HNF4A: variants seen among roughly 807,000 people sequenced by gnomAD.
HNF4A encodes the protein hepatocyte nuclear factor 4-alpha.
Under a neutral mutation model 52.4 loss-of-function variants are expected in HNF4A, and 15 were observed. The ratio of observed to expected loss-of-function variants is 0.29; its 90% CI spans 0.19 to 0.44. The LOEUF is 0.44. Ranked by LOEUF, HNF4A falls within the 20% of genes least tolerant of loss-of-function variation. The probability of loss-of-function intolerance (pLI) is 1.00; values close to 1 mark genes in which losing one functional copy is unlikely to be tolerated. For synonymous variants in HNF4A, 280 were observed against 264.4 expected (o/e 1.06, Z -0.57); for missense variants, 479 against 647.2 (o/e 0.74, Z 2.82).
At position 44,419,891 on chromosome 20, in the gene HNF4A, T is replaced by TCCTAAGCCATC; in HGVS notation, c.892+19_892+29dup. The TCCTAAGCCATC allele has an allele frequency of 1.2e-6, 2 of 1,613,292 alleles. No homozygotes were observed. Among genetic ancestry groups the TCCTAAGCCATC allele is most frequent in the East Asian group, 4.5e-5 (2 of 44,866 alleles). On this transcript the variant is annotated intron_variant, in intron 7 of 9. Coordinates refer to ENST00000316099, the MANE Select transcript of HNF4A (RefSeq NM_000457.6). ...CTTTGACCCAGGTACAGTGCACACC[T>TCCTAAGCCATC]CCTAAGCCATCCCTGACTCTCTCTC...
At chr20:44,377,304 G>A (rs1012751935) in intron 1 of HNF4A, among the ~76,000 whole-genome samples, 4 of 152,114 alleles carry the variant, frequency 2.6e-5, no homozygotes, top group South Asian at 2.1e-4. Context: ...AGAGGGAGGG[G>A]GCAAATGTTG....
intron 1 of HNF4A, among the ~76,000 whole-genome samples, chr20:44,368,037 C>T (rs1331257166): frequency 1.4e-5 from 2 of 145,510 alleles, no homozygotes; most frequent in Non-Finnish European, 3.0e-5. Context: ...TCCTTCCTCC[C>T]TAGATGGAAG....
At chr20:44,403,860 C>T (rs2063445067) in intron 1 of HNF4A, among the ~76,000 whole-genome samples, 1 of 152,196 alleles carries the variant, frequency 6.6e-6, no homozygotes, top group Non-Finnish European at 1.5e-5. Flanking sequence ...AGCTGACAGC[C>T]CCCAGCCCAT....
At chr20:44,385,499 C>T (rs1229211628) in intron 1 of HNF4A, among the ~76,000 whole-genome samples, 2 of 152,162 alleles carry the variant, frequency 1.3e-5, no homozygotes, top group Non-Finnish European at 2.9e-5. Flanking sequence ...TATGGACTCT[C>T]ACTCTGTCGC....
In HNF4A at chr20:44,428,353, C is replaced by T. The variant is rs1316299551; in HGVS notation, c.1148C>T (p.Pro383Leu). The change falls in exon 9 of 10, where the codon CCC becomes CTC. Residue 383 changes from proline to leucine, a missense_variant. Physicochemically the swap from Pro to Leu is moderately conservative, Grantham distance 98. Transcript: ENST00000316099. ...CCTGCAGGGTCCCCCAGCGATGCAC[C>T]CCATGCCCACCACCCCCTGCACCCT... The T allele has an allele frequency of 1.2e-6, 2 of 1,613,960 alleles. No homozygotes were observed. Among genetic ancestry groups the T allele is most frequent in the Non-Finnish European group, 8.5e-7 (1 of 1,180,032 alleles).
Position 44,429,958 on chromosome 20 carries a change from G to T in HNF4A, c.*293G>T, listed in dbSNP as rs771184618. 3.7e-5 allele frequency: 16 copies of T among 433,432 alleles called. No homozygotes were observed. The highest frequency in any genetic ancestry group is 7.7e-5 in the Admixed American group (2 of 26,038). The allele number at this position is 433,432 out of a possible 1,614,324, so 26.8% of individuals were successfully genotyped here. A position where few individuals can be genotyped will look rare whatever the true frequency, so the allele number is the denominator to read the frequency against. On this transcript the variant is annotated 3_prime_UTR_variant, in exon 10 of 10. Transcript: ENST00000316099. ...TCACCTTCATCCATGTCCAACCCCC[G>T]ACTTCATCCCAAAGGACAGCCGCCT...
chr20:44,402,233 T>A (rs2146343943), intron 1 of HNF4A, among the ~76,000 whole-genome samples: 1 of 152,196 alleles, frequency 6.6e-6, no homozygotes, highest in East Asian at 1.9e-4. Flanking sequence ...ATCTTGCTTA[T>A]GTATGTAAGT....
Position 44,408,845 on chromosome 20 carries a change from C to T in HNF4A, c.385+1370C>T, listed in dbSNP as rs575893009. The stretch of plus-strand genomic sequence containing the variant: ...CTTCCCTTCTAGCCCACAGTTGTGC[C>T]GTACCAGCCAAACCTTGGTCTAGTC... On this transcript the variant is annotated intron_variant, in intron 3 of 9. Transcript: ENST00000316099. Among the ~76,000 whole-genome samples the T allele has an allele frequency of 3.9e-5, 6 of 152,264 alleles. No homozygotes were observed. In the South Asian group the frequency reaches 8.3e-4, roughly 21 times the overall value.
chr20:44,401,256 G>C lies in HNF4A; in HGVS notation c.-117G>C, dbSNP rs943316184. The stretch of plus-strand genomic sequence containing the variant: ...CTCCCAGCAGATCTTCCCAGAGGAC[G>C]GTTTGAAAGGAAGGCAGAGAGGGCA... On this transcript the variant is annotated 5_prime_UTR_variant, in exon 1 of 10. Coordinates refer to ENST00000316099, the MANE Select transcript of HNF4A (RefSeq NM_000457.6). 1.1e-5 allele frequency: 17 copies of C among 1,576,532 alleles called. No homozygotes were observed. The South Asian group carries it at 1.7e-4, about 16-fold the overall frequency.
At chr20:44,427,901 T>C (rs374157242) in intron 8 of HNF4A, among the ~76,000 whole-genome samples, 84 of 152,168 alleles carry the variant, frequency 5.5e-4, no homozygotes, top group African/African-American at 2.0e-3. Flanking sequence ...AGGGGACACA[T>C]AGATGCTATA....
At chr20:44,420,204 C>A (rs574010679) in intron 7 of HNF4A, among the ~76,000 whole-genome samples, 2 of 152,000 alleles carry the variant, frequency 1.3e-5, no homozygotes, top group African/African-American at 2.4e-5. Context: ...TGGTGGTGCA[C>A]GCCTGTAATC....
intron 3 of HNF4A, among the ~76,000 whole-genome samples, chr20:44,411,992 G>A (rs2063591058): frequency 6.6e-6 from 1 of 151,954 alleles, no homozygotes; most frequent in South Asian, 2.1e-4. Flanking sequence ...AGGAGGTTGA[G>A]GCTGCAGTGA....
chr20:44,407,914 C>A (rs1382280345), intron 3 of HNF4A, among the ~76,000 whole-genome samples: 1 of 152,196 alleles, frequency 6.6e-6, no homozygotes, highest in African/African-American at 2.4e-5. Context: ...AGCTTCCGGT[C>A]CCAGGGACAA....
At chr20:44,369,977 C>T (rs979568483) in intron 1 of HNF4A, among the ~76,000 whole-genome samples, 3 of 152,074 alleles carry the variant, frequency 2.0e-5, no homozygotes, top group African/African-American at 7.2e-5. Context: ...GGTCTCTCGT[C>T]TTTCTCCCTT....
At chr20:44,360,816 G>T (rs770613670) in intron 1 of HNF4A, among the ~76,000 whole-genome samples, 1 of 152,194 alleles carries the variant, frequency 6.6e-6, no homozygotes, top group Non-Finnish European at 1.5e-5. Context: ...TGGTGATGTG[G>T]CTCTGCCCCT....
chr20:44,361,137 G>A (rs16988991), intron 1 of HNF4A, among the ~76,000 whole-genome samples: 28,452 of 151,630 alleles, frequency 0.19, 3,481 homozygotes, highest in East Asian at 0.44. Flanking sequence ...CCCATCCTAC[G>A]TCAATTCAGT....
intron 1 of HNF4A, among the ~76,000 whole-genome samples, chr20:44,384,161 T>A (rs1334234485): frequency 6.1e-5 from 1 of 16,360 alleles, no homozygotes; most frequent in Non-Finnish European, 9.3e-5. Context: ...CCTGGCTCCT[T>A]TTTTTTTTTT....
At chr20:44,370,089 C>T (rs548931066) in intron 1 of HNF4A, among the ~76,000 whole-genome samples, 2 of 151,916 alleles carry the variant, frequency 1.3e-5, no homozygotes, top group East Asian at 3.9e-4. Flanking sequence ...TGCGGTGGCG[C>T]GATCTCGGCT....
chr20:44,425,680 G>C (rs1424239009), intron 8 of HNF4A, among the ~76,000 whole-genome samples: 2 of 116,804 alleles, frequency 1.7e-5, no homozygotes, highest in African/African-American at 3.0e-5. Context: ...TTTGAGACGA[G>C]ATCTCTCTCT....
Sources: allele counts gnomAD v4.1 joint callset (sites outside exome capture counted in the v4.1 genomes callset), GRCh38; gene constraint gnomAD v4.1.1; transcripts MANE v1.5; gene names NCBI Gene and HGNC (gene_info 2026-07-23, HGNC 2026-07-21).